Variants in PROZ observed in about 807,000 individuals in gnomAD.
PROZ encodes protein Z, vitamin K dependent plasma glycoprotein.
Under a neutral mutation model 34.9 loss-of-function variants are expected in PROZ, and 46 were observed. The observed-to-expected ratio is 1.32, with a 90% CI of 1.04 to 1.69. PROZ has a LOEUF of 1.69. Among genes scored for constraint, PROZ ranks in the 40% most tolerant of loss-of-function variants. The pLI is 0.00. For synonymous variants in PROZ, 195 were observed against 208.5 expected, an observed-to-expected ratio of 0.94 and a Z score of 0.56; for missense variants, 530 against 520.4, an observed-to-expected ratio of 1.02 and a Z score of -0.18.
At chr13:113,169,583 C>A (rs1296773113) in intron 6 of PROZ, among the ~76,000 whole-genome samples, 1 of 152,204 alleles carries the variant, frequency 6.6e-6, no homozygotes, top group Non-Finnish European at 1.5e-5. Context: ...ATACTTTCAT[C>A]CTTTGGCACA....
chr13:113,167,042 G>C (rs949361196), intron 6 of PROZ, among the ~76,000 whole-genome samples: 3 of 152,194 alleles, frequency 2.0e-5, no homozygotes, highest in Non-Finnish European at 4.4e-5. Flanking sequence ...TTGTTCTGAA[G>C]TTATTTAACT....
chr13:113,163,066 T>A lies in PROZ; in HGVS notation c.317T>A (p.Ile106Asn). 2 of 1,561,036 alleles carry A rather than the reference T, an allele frequency of 1.3e-6. No individual in the cohort carries two copies. Among genetic ancestry groups the A allele is most frequent in the Non-Finnish European group, 1.7e-6 (2 of 1,152,004 alleles). Residue 106 changes from isoleucine to asparagine, a missense_variant, in exon 4 of 8, where the codon ATC becomes AAC. By Grantham distance (149) the Ile-to-Asn change is moderately radical (BLOSUM62 -3). Transcript: ENST00000375547. ...CACAACGGCTCTTGCCAGGACAGCA[T>A]CTGGGGCTACACCTGCACCTGCTCC... ...CLHNGSCQDS[I>N]WGYTCTCSPG...
At chr13:113,170,619 G>A (rs550437868) in intron 7 of PROZ, 89 bp downstream of exon 7, 4 of 838,214 alleles carry the variant, frequency 4.8e-6, no homozygotes, top group South Asian at 4.1e-5. Context: ...AAACTGGACT[G>A]TTTCTAATGC....
At chr13:113,161,671 A>C (rs978594140) in intron 3 of PROZ, among the ~76,000 whole-genome samples, 1 of 152,082 alleles carries the variant, frequency 6.6e-6, no homozygotes, top group Non-Finnish European at 1.5e-5. Flanking sequence ...CAGGCCTTAC[A>C]TCCGGAGCGG....
chr13:113,161,800 C>CCCCACATCCTCCTCCTG, intron 3 of PROZ, among the ~76,000 whole-genome samples: 1 of 138,860 alleles, frequency 7.2e-6, no homozygotes, highest in Non-Finnish European at 1.6e-5. Flanking sequence ...CCTGCCACCT[C>CCCCACATCCTCCTCCTG]CTCACATCCT....
chr13:113,165,296 A>G lies in PROZ; in HGVS notation c.573+176A>G, dbSNP rs2036893817. The G allele has an allele frequency of 2.7e-5, 19 of 695,502 alleles. No homozygotes were observed. The South Asian group carries it at 2.8e-4, about 10-fold the overall frequency. The allele number at this position is 695,502 out of a possible 1,614,324, so 43.1% of individuals were successfully genotyped here. On this transcript the variant is annotated intron_variant, in intron 6 of 7. Coordinates refer to ENST00000375547, the MANE Select transcript of PROZ (RefSeq NM_003891.3). ...CCAACCATGTTCTAATGCCGAGTTC[A>G]TAACTAATACAAAAGGACAGCATTA...
intron 5 of PROZ, 22 bp from the exon 6 acceptor site, chr13:113,165,031 C>T (rs1566929125): frequency 3.1e-6 from 5 of 1,612,592 alleles, no homozygotes; most frequent in Non-Finnish European, 4.2e-6. Context: ...TTTTTATTCT[C>T]ATGTTGCTGC....
In PROZ at chr13:113,159,290, G is replaced by T. The variant is rs757345687; in HGVS notation, c.70+560G>T. The T allele has an allele frequency of 6.5e-6, 10 of 1,528,860 alleles. No individual in the cohort carries two copies. The Admixed American group carries it at 7.9e-5, about 12-fold the overall frequency. 94.7% of individuals were successfully genotyped at this position (1,528,860 alleles called of 1,614,324 possible). On this transcript the variant is annotated intron_variant, in intron 1 of 7. Transcript: ENST00000375547. This position sits in a 1 kb window ranked among gnomAD's most constrained non-coding sequence, Gnocchi z 4.6. The stretch of plus-strand genomic sequence containing the variant: ...GCAAGTCAAAACACCCAGCATCCCC[G>T]CTGGCCCCATGGTCTCCCGCTGGCC...
rs755623265 is a variant in PROZ at position 113,171,830 on chromosome 13, C to T, written c.928C>T (p.Leu310=). The change falls in exon 8 of 8, where the codon CTG becomes TTG. Residue 310 remains leucine (L), a synonymous_variant. Transcript: ENST00000375547. The surrounding 1 kb of genome is among the most constrained non-coding windows in gnomAD (Gnocchi z 5.1). ...CGGCTGGGCACGCAATGGCACTGAC[C>T]TGGGCAACTCGCTGACCACGCGGCC... ...LSGWARNGTD[L]GNSLTTRPVT... 6.2e-7 allele frequency: 1 copy of T among 1,613,626 alleles called. No individual in the cohort carries two copies. The highest frequency in any genetic ancestry group is 8.5e-7 in the Non-Finnish European group (1 of 1,180,032).
intron 6 of PROZ, among the ~76,000 whole-genome samples, chr13:113,165,565 C>T (rs2138589219): frequency 6.6e-6 from 1 of 152,324 alleles, no homozygotes; most frequent in South Asian, 2.1e-4. Context: ...GAGTCTCAAT[C>T]TGTCACCCAG....
chr13:113,169,060 T>C (rs2037032907), intron 6 of PROZ, among the ~76,000 whole-genome samples: 1 of 152,134 alleles, frequency 6.6e-6, no homozygotes, highest in Admixed American at 6.5e-5. Context: ...CTCTCCTCCT[T>C]CTCCCTGCTC....
chr13:113,166,023 T>C (rs1196003274), intron 6 of PROZ: 1 of 152,284 alleles, frequency 6.6e-6, no homozygotes, highest in Admixed American at 6.5e-5. Flanking sequence ...ATTACGATTT[T>C]TGTTATTATG....
At chr13:113,170,965 C>T (rs2037093685) in intron 7 of PROZ, among the ~76,000 whole-genome samples, 1 of 151,680 alleles carries the variant, frequency 6.6e-6, no homozygotes, top group African/African-American at 2.4e-5. Flanking sequence ...CTCAATCCCT[C>T]AGGCTGGAGT....
Position 113,163,094 on chromosome 13 carries a change from C to T in PROZ, c.345C>T (p.Pro115=), listed in dbSNP as rs186968607. 399 of 1,556,640 alleles carry T rather than the reference C, an allele frequency of 2.6e-4. No individual in the cohort carries two copies. Among genetic ancestry groups the T allele is most frequent in the Non-Finnish European group, 3.3e-4 (381 of 1,149,474 alleles). ...SIWGYTCTCS[P]GYEGSNCELA... is the part of the protein sequence containing the mutation. ...GGGGCTACACCTGCACCTGCTCCCC[C>T]GGCTATGAGGGCAGCAACTGCGAGC... The change falls in exon 4 of 8, where the codon CCC becomes CCT. Residue 115 remains proline, a synonymous_variant. Coordinates refer to ENST00000375547, the MANE Select transcript of PROZ (RefSeq NM_003891.3).
chr13:113,164,414 G>A, intron 4 of PROZ, 99 bp from the exon 5 acceptor site: 1 of 1,389,846 alleles, frequency 7.2e-7, no homozygotes, highest in Non-Finnish European at 1.0e-6. Flanking sequence ...GCAAGGCTGT[G>A]ATAAAATGAA....
chr13:113,162,903 A>G, intron 3 of PROZ, 106 bp from the exon 4 acceptor site: 1 of 242,904 alleles, frequency 4.1e-6, no homozygotes, highest in Non-Finnish European at 7.6e-6. Context: ...CCCCCACTCC[A>G]TCCTCCTCCT....
At position 113,159,508 on chromosome 13, in the gene PROZ, G is replaced by A. The variant is rs1017383398; in HGVS notation, c.71-506G>A. ...GCTTTGGGACCCTCAGGTGGGAAGA[G>A]GCTCCAGAGACCACTGCCGCGGGTC... On this transcript the variant is annotated intron_variant, in intron 1 of 7. Coordinates refer to ENST00000375547, the MANE Select transcript of PROZ (RefSeq NM_003891.3). This position sits in a 1 kb window ranked among gnomAD's most constrained non-coding sequence, Gnocchi z 4.6. 2.6e-5 allele frequency among the ~76,000 whole-genome samples: 4 copies of A among 152,144 alleles called. No homozygotes were observed. Among genetic ancestry groups the A allele is most frequent in the Non-Finnish European group, 5.9e-5 (4 of 68,020 alleles).
intron 6 of PROZ, chr13:113,166,477 C>CAAGA (rs2036936699): frequency 6.6e-6 from 1 of 152,098 alleles, no homozygotes; most frequent in South Asian, 2.1e-4. Flanking sequence ...TCAGTTTCAC[C>CAAGA]CGACTCTTAC....
In PROZ at chr13:113,161,087, G is replaced by A. The variant is rs976848517; in HGVS notation, c.259+115G>A. ...GCGGATGCCAAGCCTCTGGCTCCAG[G>A]ACCCACGGTGTCTCTCCAGGGAAGG... On this transcript the variant is annotated intron_variant, in intron 3 of 7. Coordinates refer to ENST00000375547, the MANE Select transcript of PROZ (RefSeq NM_003891.3). 8 of 937,278 alleles carry A rather than the reference G, an allele frequency of 8.5e-6. No homozygotes were observed. The East Asian group carries it at 1.9e-4, about 23-fold the overall frequency. The allele number at this position is 937,278 out of a possible 1,614,324, so 58.1% of individuals were successfully genotyped here.
Sources: allele counts gnomAD v4.1 joint callset (sites outside exome capture counted in the v4.1 genomes callset), GRCh38; gene constraint gnomAD v4.1.1; non-coding constraint Gnocchi (gnomAD v3.1); transcripts MANE v1.5; gene names NCBI Gene and HGNC (gene_info 2026-07-23, HGNC 2026-07-21).